CHRM3: variants seen among roughly 807,000 people sequenced by gnomAD.
The protein encoded by CHRM3 is cholinergic receptor muscarinic 3.
Under a neutral mutation model 41.8 loss-of-function variants are expected in CHRM3, and 11 were observed. The ratio of observed to expected loss-of-function variants is 0.26; its 90% CI spans 0.17 to 0.44. The LOEUF is 0.44. Among genes scored for constraint, CHRM3 ranks in the 20% least tolerant of loss-of-function variants. CHRM3 has a pLI of 1.00. For synonymous variants in CHRM3, 297 were observed against 301.4 expected (o/e 0.99, Z 0.15); for missense variants, 571 against 745.4 (o/e 0.77, Z 2.72).
chr1:239,710,448 G>A (rs895909530), intron 5 of CHRM3, among the ~76,000 whole-genome samples: 16 of 152,078 alleles, frequency 1.1e-4, no homozygotes, highest in Admixed American at 6.6e-5. Context: ...CAACCTAAAT[G>A]ATGAGAAATA....
intron 1 of CHRM3, among the ~76,000 whole-genome samples, chr1:239,474,595 A>G (rs886938188): frequency 1.3e-5 from 2 of 152,252 alleles, no homozygotes; most frequent in Non-Finnish European, 1.5e-5. Context: ...AGAATGATGT[A>G]TTATGGAAAT....
chr1:239,759,182 G>GTT (rs1346616146), intron 5 of CHRM3, among the ~76,000 whole-genome samples: 48 of 42,912 alleles, frequency 1.1e-3, no homozygotes, highest in South Asian at 1.7e-3. Context: ...TTTTTTTTTT[G>GTT]TTTTTTTTTT....
chr1:239,810,082 T>C (rs576524062), intron 5 of CHRM3, among the ~76,000 whole-genome samples: 1 of 152,296 alleles, frequency 6.6e-6, no homozygotes, highest in South Asian at 2.1e-4. Context: ...ATTATTGTAG[T>C]GTTGATCTGC....
At chr1:239,647,282 A>G (rs1017235798) in intron 4 of CHRM3, among the ~76,000 whole-genome samples, 2 of 152,148 alleles carry the variant, frequency 1.3e-5, no homozygotes, top group Middle Eastern at 3.2e-3. Context: ...TGCCAGAATG[A>G]GTAAAGACCT....
rs556095207 is a variant in CHRM3 at position 239,769,703 on chromosome 1, G to A, written c.-146-57549G>A. Among the ~76,000 whole-genome samples, 529 of 68,918 alleles carry A rather than the reference G, an allele frequency of 7.7e-3. 6 individuals carry two copies. Among genetic ancestry groups the A allele is most frequent in the African/African-American group, 0.028 (494 of 17,662 alleles). The allele number at this position is 68,918 out of a possible 152,430, so 45.2% of individuals were successfully genotyped here. On this transcript the variant is annotated intron_variant, in intron 5 of 6. Coordinates refer to ENST00000676153, the MANE Select transcript of CHRM3 (RefSeq NM_001375978.1). The stretch of plus-strand genomic sequence containing the variant: ...TCAGGGCCAGCCTGACCAACATAGC[G>A]AAACCCATCTCTACTACAAATACAA...
chr1:239,780,364 T>A (rs1361048505), intron 5 of CHRM3, among the ~76,000 whole-genome samples: 2 of 152,218 alleles, frequency 1.3e-5, no homozygotes, highest in African/African-American at 4.8e-5. Context: ...TACTTTGCAT[T>A]TCTCTAAGAA....
rs563953784 is a variant in CHRM3, at chr1:239,773,199, G to T, written c.-146-54053G>T. 7.2e-5 allele frequency among the ~76,000 whole-genome samples: 11 copies of T among 151,988 alleles called. No individual in the cohort carries two copies. In the South Asian group the frequency reaches 1.9e-3, roughly 26 times the overall value. ...TCTGTAAGAGGGGAGTGCATACTTG[G>T]GTCTGCTGTACCACCGAAAGGTTGT... On this transcript the variant is annotated intron_variant, in intron 5 of 6. Coordinates refer to ENST00000676153, the MANE Select transcript of CHRM3 (RefSeq NM_001375978.1).
intron 1 of CHRM3, among the ~76,000 whole-genome samples, chr1:239,401,183 G>A (rs763237223): frequency 7.9e-5 from 12 of 152,278 alleles, no homozygotes; most frequent in South Asian, 6.2e-4. Flanking sequence ...GCCACAACAT[G>A]GAACCGGGCT....
At chr1:239,699,952 T>C (rs937319375) in intron 5 of CHRM3, among the ~76,000 whole-genome samples, 2 of 152,212 alleles carry the variant, frequency 1.3e-5, no homozygotes, top group Non-Finnish European at 2.9e-5. Context: ...TATTTTCTGT[T>C]GTCTTTACTT....
chr1:239,665,297 C>T (rs982314321), intron 4 of CHRM3, among the ~76,000 whole-genome samples: 1 of 152,168 alleles, frequency 6.6e-6, no homozygotes, highest in Non-Finnish European at 1.5e-5. Flanking sequence ...TTCTGCTTTC[C>T]CTGAGCTGCT....
At position 239,542,399 on chromosome 1, in the gene CHRM3, A is replaced by G. The variant is rs149978895; in HGVS notation, c.-421-3242A>G. ...AGGAGCAAAGTCAAGTATGGAGCGT[A>G]GGAGAGAACTGAATATCTGGCAACC... is the stretch of plus-strand genomic sequence containing the variant. On this transcript the variant is annotated intron_variant, in intron 2 of 6. Coordinates refer to ENST00000676153, the MANE Select transcript of CHRM3 (RefSeq NM_001375978.1). 3.2e-4 allele frequency among the ~76,000 whole-genome samples: 48 copies of G among 152,310 alleles called. 1 individual carries two copies. The East Asian group carries it at 8.1e-3, about 26-fold the overall frequency.
chr1:239,779,548 G>A (rs1856575), intron 5 of CHRM3, among the ~76,000 whole-genome samples: 130,364 of 152,252 alleles, frequency 0.86, 56,056 homozygotes, highest in African/African-American at 0.9. Flanking sequence ...AGCCTGGCCA[G>A]CATGGCAAAA....
At chr1:239,696,383 A>G (rs1436332521) in intron 5 of CHRM3, among the ~76,000 whole-genome samples, 2 of 152,314 alleles carry the variant, frequency 1.3e-5, no homozygotes, top group East Asian at 3.9e-4. Flanking sequence ...GTGACAGTGT[A>G]GATGTCTTGG....
chr1:239,515,442 A>G (rs1669205288), intron 2 of CHRM3, among the ~76,000 whole-genome samples: 3 of 149,794 alleles, frequency 2.0e-5, no homozygotes, highest in African/African-American at 7.4e-5. Context: ...TGGGGTAAGG[A>G]CACTGTTAGG....
At chr1:239,744,100 G>A (rs1158497595) in intron 5 of CHRM3, among the ~76,000 whole-genome samples, 1 of 151,364 alleles carries the variant, frequency 6.6e-6, no homozygotes, top group Non-Finnish European at 1.5e-5. Context: ...ATGAGCCACT[G>A]TGTCCAGCCA....
chr1:239,555,269 T>A (rs1330822810), intron 3 of CHRM3, among the ~76,000 whole-genome samples: 1 of 152,154 alleles, frequency 6.6e-6, no homozygotes, highest in Admixed American at 6.6e-5. Flanking sequence ...TTGATTAAAG[T>A]TTAAGTCTTC....
At chr1:239,716,627 G>A (rs770791637) in intron 5 of CHRM3, among the ~76,000 whole-genome samples, 8 of 151,908 alleles carry the variant, frequency 5.3e-5, no homozygotes, top group Non-Finnish European at 8.8e-5. Flanking sequence ...TTGCAAGAGA[G>A]TGAATAAATA....
chr1:239,860,414 A>G (rs1675544342), intron 6 of CHRM3, among the ~76,000 whole-genome samples: 1 of 152,290 alleles, frequency 6.6e-6, no homozygotes, highest in Non-Finnish European at 1.5e-5. Context: ...TAAAATTATT[A>G]TAGATATGCT....
intron 5 of CHRM3, among the ~76,000 whole-genome samples, chr1:239,761,721 G>A (rs1666795629): frequency 6.6e-6 from 1 of 152,204 alleles, no homozygotes; most frequent in South Asian, 2.1e-4. Context: ...TCTGGCCTGG[G>A]TGCTCTGCAG....
Sources: gnomAD v4.1 joint callset for allele counts (sites outside exome capture counted in the v4.1 genomes callset) on GRCh38, gnomAD v4.1.1 for gene constraint, MANE v1.5 for transcripts, NCBI Gene and HGNC (gene_info 2026-07-23, HGNC 2026-07-21) for gene names.